TEX11: variants seen among roughly 807,000 people sequenced by gnomAD.
The protein encoded by TEX11 is testis-expressed protein 11.
A neutral mutation model predicts 84.4 loss-of-function variants in TEX11; 7 were observed. That is an observed-to-expected ratio of 0.08 (90% CI 0.05 to 0.16). The LOEUF is 0.16. Ranked by LOEUF, TEX11 falls within the 10% of genes least tolerant of loss-of-function variation. The probability of loss-of-function intolerance (pLI) is 1.00; values close to 1 mark genes in which losing one functional copy is unlikely to be tolerated. For missense variants in TEX11, 551 were observed against 660.5 expected, an observed-to-expected ratio of 0.83 and a Z score of 1.82; for synonymous variants, 264 against 222.8, an observed-to-expected ratio of 1.18 and a Z score of -1.64.
At chrX:70,586,559 T>G (rs2088855392) in intron 25 of TEX11, among the ~76,000 whole-genome samples, 1 of 111,353 alleles carries the variant, frequency 9.0e-6, no homozygotes, top group African/African-American at 3.3e-5. Context: ...AAATAACCAA[T>G]AAGCACATGA....
intron 7 of TEX11, among the ~76,000 whole-genome samples, chrX:70,845,107 T>C (rs1048009361): frequency 3.6e-5 from 4 of 111,922 alleles, no homozygotes; most frequent in African/African-American, 6.5e-5. Flanking sequence ...GATGAATGGA[T>C]GAAGAATGCA....
chrX:70,855,235 C>T (rs774508065), intron 5 of TEX11, among the ~76,000 whole-genome samples: 14 of 110,093 alleles, frequency 1.3e-4, no homozygotes, highest in Non-Finnish European at 2.3e-4. Flanking sequence ...ATCATAATAG[C>T]AAATAAATAG....
chrX:70,897,687 G>GAA (rs777694455), intron 2 of TEX11: 45 of 33,757 alleles, frequency 1.3e-3, no homozygotes, highest in East Asian at 3.4e-3. Flanking sequence ...GAAAAAGAAA[G>GAA]AAAGAAAGAA....
intron 28 of TEX11, among the ~76,000 whole-genome samples, chrX:70,549,044 A>G (rs1367177206): frequency 9.0e-6 from 1 of 110,939 alleles, no homozygotes; most frequent in Non-Finnish European, 1.9e-5. Context: ...CTTAAGGGGG[A>G]CTTTGTCTTG....
chrX:70,742,378 AATTT>A (rs2090739023), intron 10 of TEX11, among the ~76,000 whole-genome samples: 2 of 108,289 alleles, frequency 1.8e-5, no homozygotes, highest in Non-Finnish European at 1.9e-5. Context: ...ATATATAAAT[AATTT>A]ATTTAATTGT....
chrX:70,893,457 G>A (rs763505676), intron 2 of TEX11, among the ~76,000 whole-genome samples: 3 of 111,912 alleles, frequency 2.7e-5, no homozygotes, highest in Non-Finnish European at 5.6e-5. Flanking sequence ...TGAACAACCT[G>A]CTCCTGAATG....
chrX:70,716,558 C>T (rs767034996), intron 13 of TEX11, among the ~76,000 whole-genome samples: 7 of 112,427 alleles, frequency 6.2e-5, no homozygotes, highest in African/African-American at 1.3e-4. Context: ...TAGCAATGAG[C>T]GAGGCTCTGT....
At position 70,643,906 on chromosome X, in the gene TEX11, A is replaced by C. The variant is rs1336310793; in HGVS notation, c.1483+7544T>G. Among the ~76,000 whole-genome samples the C allele has an allele frequency of 8.7e-3, 914 of 105,355 alleles. 10 individuals carry two copies. The highest frequency in any genetic ancestry group is 0.027 in the African/African-American group (790 of 28,973). The allele number at this position is 105,355 out of a possible 115,157, so 91.5% of individuals were successfully genotyped here. ...ACACCAAAAGCAATGGCAACAAAAG[A>C]CAAAATTGACAAATGGGATCTAATT... On this transcript the variant is annotated intron_variant, in intron 17 of 29. Coordinates refer to ENST00000374333, the MANE Select transcript of TEX11 (RefSeq NM_031276.3).
intron 5 of TEX11, among the ~76,000 whole-genome samples, chrX:70,853,603 CTT>C (rs2091520465): frequency 1.8e-5 from 2 of 112,230 alleles, no homozygotes; most frequent in South Asian, 3.7e-4. Context: ...GTTGAAGTAA[CTT>C]AGATAGGAAG....
At chrX:70,648,064 C>T (rs2089766444) in intron 17 of TEX11, among the ~76,000 whole-genome samples, 1 of 111,986 alleles carries the variant, frequency 8.9e-6, no homozygotes, top group Non-Finnish European at 1.9e-5. Context: ...ACATATACAC[C>T]ATGGAATATT....
intron 27 of TEX11, among the ~76,000 whole-genome samples, chrX:70,553,016 T>C (rs1048903733): frequency 1.8e-5 from 2 of 112,043 alleles, no homozygotes; most frequent in Non-Finnish European, 3.8e-5. Context: ...TATTATTTAG[T>C]GATGAAACAA....
chrX:70,738,106 T>G (rs963777943), intron 11 of TEX11, among the ~76,000 whole-genome samples: 2 of 112,020 alleles, frequency 1.8e-5, no homozygotes, highest in Non-Finnish European at 3.8e-5. Context: ...AAATGGGATC[T>G]AATTAAACTA....
chrX:70,524,178 A>G (rs1041274749), downstream of TEX11, among the ~76,000 whole-genome samples: 21 of 112,062 alleles, frequency 1.9e-4, no homozygotes, highest in African/African-American at 6.8e-4. Flanking sequence ...CTATTTATAT[A>G]CTAGTTTATT....
rs182339460 is a variant in TEX11 at position 70,659,984 on chromosome X, C to G, written c.1381-8432G>C. ...TACTATACATGACTATATGGTATAG[C>G]CCATTGCTCCTAGGCTACAAATCTC... On this transcript the variant is annotated intron_variant, in intron 16 of 29. Transcript: ENST00000374333. Among the ~76,000 whole-genome samples the G allele has an allele frequency of 4.5e-5, 5 of 112,149 alleles. No homozygotes were observed. The East Asian group carries it at 1.4e-3, about 31-fold the overall frequency.
intron 2 of TEX11, among the ~76,000 whole-genome samples, chrX:70,900,747 A>G (rs2091798936): frequency 9.0e-6 from 1 of 110,983 alleles, no homozygotes; most frequent in Non-Finnish European, 1.9e-5. Context: ...TGAGGCCAGG[A>G]GTTCGAGAGC....
At chrX:70,662,354 A>G (rs2147624582) in intron 16 of TEX11, among the ~76,000 whole-genome samples, 1 of 111,958 alleles carries the variant, frequency 8.9e-6, no homozygotes, top group South Asian at 3.7e-4. Context: ...TCCAAGAAAT[A>G]TGGGACTATG....
chrX:70,745,942 G>T (rs146387122), intron 9 of TEX11, among the ~76,000 whole-genome samples: 211 of 111,070 alleles, frequency 1.9e-3, no homozygotes, highest in African/African-American at 6.7e-3. Context: ...GATATAAGGA[G>T]CTCTTTAGAC....
chrX:70,647,180 T>C (rs1248512602), intron 17 of TEX11, among the ~76,000 whole-genome samples: 1 of 111,191 alleles, frequency 9.0e-6, no homozygotes, highest in Admixed American at 9.6e-5. Flanking sequence ...TCTAAAGAAG[T>C]TGACCTCATA....
At chrX:70,725,389 T>C in intron 11 of TEX11, 46 bp from the exon 12 acceptor site, 16 of 960,166 alleles carry the variant, frequency 1.7e-5, no homozygotes, top group Non-Finnish European at 2.3e-5. Context: ...TTGTGGAATG[T>C]AAAAGACAAT....
Sources: gnomAD v4.1 joint callset for allele counts (sites outside exome capture counted in the v4.1 genomes callset) on GRCh38, gnomAD v4.1.1 for gene constraint, MANE v1.5 for transcripts, NCBI Gene and HGNC (gene_info 2026-07-23, HGNC 2026-07-21) for gene names.